The following SNW1 variants were observed in gnomAD, a reference collection of about 807,000 sequenced individuals.
The protein encoded by SNW1 is SNW domain containing 1.
A neutral mutation model predicts 75.6 loss-of-function variants in SNW1; 9 were observed. The ratio of observed to expected loss-of-function variants is 0.12; its 90% CI spans 0.07 to 0.21. The LOEUF is 0.21. Ranked by LOEUF, SNW1 falls within the 10% of genes least tolerant of loss-of-function variation. The pLI is 1.00. For missense variants in SNW1, 409 were observed against 670.9 expected (o/e 0.61, Z 4.31); for synonymous variants, 200 against 219.1 (o/e 0.91, Z 0.77).
chr14:77,745,231 A>G (rs2080752279), intron 3 of SNW1, among the ~76,000 whole-genome samples: 1 of 152,186 alleles, frequency 6.6e-6, no homozygotes, highest in African/African-American at 2.4e-5. Flanking sequence ...GTCCAGGACA[A>G]CACCCTGGAA....
At chr14:77,738,307 C>CA (rs933730204) in intron 5 of SNW1, among the ~76,000 whole-genome samples, 10 of 150,358 alleles carry the variant, frequency 6.7e-5, no homozygotes, top group African/African-American at 2.0e-4. Context: ...TCCCCCACCC[C>CA]AAAAAAAAGC....
intron 11 of SNW1, 200 bp downstream of exon 11, chr14:77,722,981 A>T: frequency 1.9e-6 from 1 of 520,052 alleles, no homozygotes; most frequent in Non-Finnish European, 3.5e-6. Context: ...AGTAGCTGGG[A>T]CTACAGGCGC....
chr14:77,760,956 AGTC>A (rs1465343051), intron 1 of SNW1, 155 bp downstream of exon 1: 1 of 1,529,814 alleles, frequency 6.5e-7, no homozygotes, highest in African/African-American at 1.4e-5. Flanking sequence ...GACTAGGCCT[AGTC>A]GTAGCGGCGG....
At chr14:77,736,484 G>A (rs891613702) in intron 6 of SNW1, among the ~76,000 whole-genome samples, 1 of 152,068 alleles carries the variant, frequency 6.6e-6, no homozygotes, top group Non-Finnish European at 1.5e-5. Context: ...AGGAGGCAGA[G>A]GTTGCAGTGA....
intron 9 of SNW1, among the ~76,000 whole-genome samples, chr14:77,731,452 A>T (rs972357058): frequency 3.9e-5 from 6 of 152,244 alleles, no homozygotes; most frequent in Admixed American, 2.0e-4. Context: ...TCTCTCCTGC[A>T]ATCCTAGCAC....
At chr14:77,731,170 G>C in intron 9 of SNW1, 41 bp from the exon 10 acceptor site, 1 of 1,597,350 alleles carries the variant, frequency 6.3e-7, no homozygotes, top group Non-Finnish European at 8.5e-7. Context: ...ACTATCATGG[G>C]ATAAATATTT....
intron 5 of SNW1, 91 bp downstream of exon 5, chr14:77,738,687 G>T: frequency 1.2e-6 from 1 of 838,522 alleles, no homozygotes; most frequent in South Asian, 1.5e-5. Flanking sequence ...CATTTATAAT[G>T]GTTGCTAAGT....
chr14:77,756,179 GGTGC>G (rs1011559228), intron 1 of SNW1, among the ~76,000 whole-genome samples: 2 of 151,838 alleles, frequency 1.3e-5, no homozygotes, highest in African/African-American at 4.8e-5. Flanking sequence ...TGAGTGCAGT[GGTGC>G]AACCTCGGCT....
At chr14:77,749,836 A>G (rs1244613249) in intron 3 of SNW1, among the ~76,000 whole-genome samples, 1 of 152,238 alleles carries the variant, frequency 6.6e-6, no homozygotes, top group Non-Finnish European at 1.5e-5. Context: ...AGAACTGTTG[A>G]GAAGATTAAC....
In SNW1 at chr14:77,720,699, C is replaced by G. The variant is rs779702765; in HGVS notation, c.1248+12G>C. On this transcript the variant is annotated intron_variant, in intron 12 of 13. Transcript: ENST00000261531. ...CATCAACACACACAATATGCTGTTC[C>G]TAAACTTGTACCTTGGATTGGTTGA... is the stretch of plus-strand genomic sequence containing the variant. 2 of 1,550,848 alleles carry G rather than the reference C, an allele frequency of 1.3e-6. No homozygotes were observed. Among genetic ancestry groups the G allele is most frequent in the Non-Finnish European group, 1.8e-6 (2 of 1,122,888 alleles).
At chr14:77,734,223 C>T (rs1433772160) in intron 8 of SNW1, among the ~76,000 whole-genome samples, 1 of 152,192 alleles carries the variant, frequency 6.6e-6, no homozygotes, top group Non-Finnish European at 1.5e-5. Context: ...ATAGCTTAAG[C>T]CTTCACTACT....
At chr14:77,746,239 G>A (rs1470699007) in intron 3 of SNW1, among the ~76,000 whole-genome samples, 1 of 152,206 alleles carries the variant, frequency 6.6e-6, no homozygotes, top group Non-Finnish European at 1.5e-5. Context: ...GCACACTTGC[G>A]TGTATGTGTA....
intron 1 of SNW1, among the ~76,000 whole-genome samples, chr14:77,758,315 C>CAAAAAAAAAAAAAAAAAAA (rs55707854): frequency 1.0e-4 from 9 of 85,818 alleles, no homozygotes; most frequent in Non-Finnish European, 1.6e-4. Flanking sequence ...GACTCTGCCA[C>CAAAAAAAAAAAAAAAAAAA]AAAAAAAAAA....
chr14:77,760,984 T>A (rs993460612), intron 1 of SNW1, 130 bp downstream of exon 1: 3 of 1,605,970 alleles, frequency 1.9e-6, no homozygotes, highest in Non-Finnish European at 8.5e-7. Context: ...CGGGAGGGCG[T>A]AGCCGTAGTC....
chr14:77,727,242 C>T (rs1005980647), intron 10 of SNW1, among the ~76,000 whole-genome samples: 2 of 151,946 alleles, frequency 1.3e-5, no homozygotes, highest in African/African-American at 2.4e-5. Flanking sequence ...TTAGTACAGA[C>T]GGGGTTTCAT....
chr14:77,755,796 T>C (rs532350924), intron 1 of SNW1, among the ~76,000 whole-genome samples: 1 of 151,664 alleles, frequency 6.6e-6, no homozygotes, highest in East Asian at 1.9e-4. Flanking sequence ...TAGAGTGCAG[T>C]GGCACCATCT....
chr14:77,738,590 A>G (rs753392728), intron 5 of SNW1, 188 bp downstream of exon 5: 6 of 591,120 alleles, frequency 1.0e-5, no homozygotes, highest in Admixed American at 3.1e-5. Flanking sequence ...AAAACAAACA[A>G]AAACCAAAGT....
chr14:77,723,085 G>C (rs2080556197), intron 11 of SNW1, 96 bp downstream of exon 11: 2 of 889,674 alleles, frequency 2.2e-6, no homozygotes, highest in South Asian at 2.6e-5. Context: ...CTGACCTCGT[G>C]ATCCGCCCGC....
rs894516544 is a variant in SNW1, at chr14:77,720,806, T to G, written c.1153A>C (p.Asn385His). ...DKRSKLQRNE[N>H]RDISEVIALG... is the part of the protein sequence containing the mutation. ...GCAATAACTTCACTGATATCCCGAT[T>G]TTCATTTCTCTGAAGTTTCGACCTA... The change falls in exon 12 of 14, where the codon AAT (asparagine) becomes CAT (histidine). Residue 385 changes from asparagine (N) to histidine (H), a missense_variant. Physicochemically the swap from Asn to His is moderately conservative, Grantham distance 68. Coordinates refer to ENST00000261531, the MANE Select transcript of SNW1 (RefSeq NM_012245.3). 9 of 1,613,262 alleles carry G rather than the reference T, an allele frequency of 5.6e-6. No homozygotes were observed. Among genetic ancestry groups the G allele is most frequent in the Non-Finnish European group, 7.6e-6 (9 of 1,179,552 alleles).
Sources: allele counts gnomAD v4.1 joint callset (sites outside exome capture counted in the v4.1 genomes callset), GRCh38; gene constraint gnomAD v4.1.1; transcripts MANE v1.5; gene names NCBI Gene and HGNC (gene_info 2026-07-23, HGNC 2026-07-21).